Variants in RAB27B observed in about 807,000 individuals in gnomAD.
RAB27B encodes ras-related protein Rab-27B.
In RAB27B, 15 loss-of-function variants were observed where a neutral mutation model predicts 24.6. The ratio of observed to expected loss-of-function variants is 0.61; its 90% CI spans 0.41 to 0.94. RAB27B has a LOEUF of 0.94. RAB27B is among the 40% of genes least tolerant of loss of function. RAB27B has a pLI of 0.00. For missense variants in RAB27B, 261 were observed against 266.8 expected (o/e 0.98, Z 0.15); for synonymous variants, 105 against 92.5 (o/e 1.14, Z -0.78).
intron 2 of RAB27B, among the ~76,000 whole-genome samples, chr18:54,814,661 A>G (rs1385995649): frequency 6.6e-6 from 1 of 152,192 alleles, no homozygotes; most frequent in Non-Finnish European, 1.5e-5. Flanking sequence ...TTTGTTAAGC[A>G]TATATTTTTA....
chr18:54,849,926 C>A (rs1195443860), intron 1 of RAB27B, among the ~76,000 whole-genome samples: 2 of 152,120 alleles, frequency 1.3e-5, no homozygotes, highest in Non-Finnish European at 2.9e-5. Context: ...AATATTTACT[C>A]ATACCTTTAA....
chr18:54,889,171 T>A (rs1316478764), intron 5 of RAB27B, 53 bp from the exon 6 acceptor site: 1 of 1,509,178 alleles, frequency 6.6e-7, no homozygotes, highest in African/African-American at 1.4e-5. Context: ...CATCTTGCTG[T>A]ATCTGTTCTG....
intron 2 of RAB27B, among the ~76,000 whole-genome samples, chr18:54,755,807 T>C (rs1022205174): frequency 6.6e-6 from 1 of 152,210 alleles, no homozygotes; most frequent in African/African-American, 2.4e-5. Context: ...ATCAGTCAAA[T>C]GAATGTGTAG....
At chr18:54,738,184 AT>A (rs1909958362) in intron 2 of RAB27B, among the ~76,000 whole-genome samples, 1 of 152,174 alleles carries the variant, frequency 6.6e-6, no homozygotes, top group Non-Finnish European at 1.5e-5. Flanking sequence ...CTCATTATTT[AT>A]TTTATAGCTG....
rs187172341 is a variant in RAB27B, at chr18:54,820,175, G to A, written c.-19-57392G>A. Among the ~76,000 whole-genome samples the A allele has an allele frequency of 1.8e-3, 268 of 152,258 alleles. 1 individual carries two copies. Among genetic ancestry groups the A allele is most frequent in the African/African-American group, 5.8e-3 (242 of 41,556 alleles). On this transcript the variant is annotated intron_variant, in intron 2 of 4. Coordinates refer to the RAB27B transcript ENST00000586570. Reference sequence around the variant, plus strand: ...GGGTCAAATGGTATTTCTAGTTCTAGATCCCTGAGGAATCGCCACACTGAC... The same window carrying A: ...GGGTCAAATGGTATTTCTAGTTCTAAATCCCTGAGGAATCGCCACACTGAC...
chr18:54,736,401 G>A (rs1320165930), intron 2 of RAB27B, among the ~76,000 whole-genome samples: 2 of 151,788 alleles, frequency 1.3e-5, no homozygotes, highest in Non-Finnish European at 2.9e-5. Context: ...CTTTACCATG[G>A]TTTTCTCATT....
chr18:54,761,765 G>A (rs1048902202), intron 2 of RAB27B, among the ~76,000 whole-genome samples: 1 of 152,174 alleles, frequency 6.6e-6, no homozygotes, highest in Non-Finnish European at 1.5e-5. Flanking sequence ...GTTACCAGAC[G>A]ATGCCTCTGA....
chr18:54,823,340 C>A (rs1910369241), intron 2 of RAB27B, among the ~76,000 whole-genome samples: 1 of 152,126 alleles, frequency 6.6e-6, no homozygotes, highest in South Asian at 2.1e-4. Flanking sequence ...AGGGGCACAC[C>A]CGTGCATAAC....
At chr18:54,863,280 T>G (rs1912078991) in intron 1 of RAB27B, among the ~76,000 whole-genome samples, 1 of 152,236 alleles carries the variant, frequency 6.6e-6, no homozygotes, top group Non-Finnish European at 1.5e-5. Context: ...TTGAATTGTC[T>G]CAAATATTCT....
In RAB27B at chr18:54,842,493, A is replaced by G. The variant is rs766172018; in HGVS notation, c.-20+13793A>G. On this transcript the variant is annotated intron_variant, in intron 1 of 5. Transcript: ENST00000262094. Reference sequence around the variant, plus strand: ...TTTTCAAGTAATTTTAAGCATAACTAGGTTTATCAGGACATTCTCAAGCCC... The same window carrying G: ...TTTTCAAGTAATTTTAAGCATAACTGGGTTTATCAGGACATTCTCAAGCCC... Among the ~76,000 whole-genome samples, 43 of 132,472 alleles carry G rather than the reference A, an allele frequency of 3.2e-4. 1 individual carries two copies. The highest frequency in any genetic ancestry group is 9.7e-5 in the Non-Finnish European group (6 of 62,032). 86.9% of individuals were successfully genotyped at this position (132,472 alleles called of 152,430 possible). A position where few individuals can be genotyped will look rare whatever the true frequency, so the allele number is the denominator to read the frequency against.
Position 54,728,899 on chromosome 18 carries a change from AACCCAAAAAAAAAAAAAAAAAAAAC to A in RAB27B, c.-20+10759_-20+10783del, listed in dbSNP as rs1406443134. Among the ~76,000 whole-genome samples, 407 of 91,306 alleles carry A rather than the reference AACCCAAAAAAAAAAAAAAAAAAAAC, an allele frequency of 4.5e-3. 3 individuals are homozygous for A. Among genetic ancestry groups the A allele is most frequent in the African/African-American group, 0.014 (383 of 26,930 alleles). The allele number at this position is 91,306 out of a possible 152,430, so 59.9% of individuals were successfully genotyped here. On this transcript the variant is annotated intron_variant, in intron 2 of 4. Coordinates refer to the RAB27B transcript ENST00000586570. ...TCAAAAAAAAAAAAAAAAAAAAAAAAACCCAAAAAAAAAAAAAAAAAAAACCACCACCAAAGGAAACCTGCCTACA... is the reference window on the plus strand; with the variant it reads ...TCAAAAAAAAAAAAAAAAAAAAAAAACACCACCAAAGGAAACCTGCCTACA...
chr18:54,792,124 G>C (rs1909266892), intron 2 of RAB27B, among the ~76,000 whole-genome samples: 1 of 152,186 alleles, frequency 6.6e-6, no homozygotes. Context: ...CAAGCCACCT[G>C]TAGACAGCAA....
chr18:54,736,187 A>G (rs1234684410), intron 2 of RAB27B, among the ~76,000 whole-genome samples: 1 of 152,180 alleles, frequency 6.6e-6, no homozygotes, highest in Non-Finnish European at 1.5e-5. Flanking sequence ...GCAGTATCTA[A>G]GAAAATTTGT....
intron 2 of RAB27B, among the ~76,000 whole-genome samples, chr18:54,749,058 A>G (rs138264302): frequency 1.8e-3 from 279 of 152,308 alleles, no homozygotes; most frequent in South Asian, 8.5e-3. Flanking sequence ...CCTTAGAAGA[A>G]TAGGTGAAAA....
intron 1 of RAB27B, among the ~76,000 whole-genome samples, chr18:54,858,377 GTTTTTTT>G (rs4071703): frequency 5.1e-4 from 65 of 127,820 alleles, no homozygotes; most frequent in African/African-American, 1.8e-3. Context: ...CAGGAAAACT[GTTTTTTT>G]TTTTTTTTTT....
chr18:54,727,239 G>T (rs1475851469), intron 2 of RAB27B, among the ~76,000 whole-genome samples: 2 of 152,260 alleles, frequency 1.3e-5, no homozygotes, highest in African/African-American at 4.8e-5. Flanking sequence ...CTTCCAAAGT[G>T]CTGGGATTAC....
chr18:54,722,820 T>G (rs1909402694), intron 2 of RAB27B, among the ~76,000 whole-genome samples: 1 of 152,206 alleles, frequency 6.6e-6, no homozygotes, highest in Non-Finnish European at 1.5e-5. Context: ...CTTCTATTGT[T>G]CTTGACACTA....
chr18:54,771,060 T>G (rs1908531416), intron 2 of RAB27B, among the ~76,000 whole-genome samples: 1 of 152,104 alleles, frequency 6.6e-6, no homozygotes. Flanking sequence ...AGTATGAGGA[T>G]GGAAGATGGA....
Position 54,878,673 on chromosome 18 carries a change from C to T in RAB27B, c.154-696C>T, listed in dbSNP as rs142770307. Among the ~76,000 whole-genome samples the T allele has an allele frequency of 4.4e-3, 664 of 152,136 alleles. 4 individuals are homozygous for T. The highest frequency in any genetic ancestry group is 0.015 in the African/African-American group (629 of 41,522). ...TCCTGGCAGAATTTTCCCTTTAAAA[C>T]GTATTCACTAAACTATACTTAAGGA... On this transcript the variant is annotated intron_variant, in intron 2 of 5. Coordinates refer to ENST00000262094, the MANE Select transcript of RAB27B (RefSeq NM_004163.4).
Sources: allele counts gnomAD v4.1 joint callset (sites outside exome capture counted in the v4.1 genomes callset), GRCh38; gene constraint gnomAD v4.1.1; transcripts MANE v1.5; gene names NCBI Gene and HGNC (gene_info 2026-07-23, HGNC 2026-07-21).